Variants in SHISA6 observed in about 807,000 individuals in gnomAD.
The protein encoded by SHISA6 is protein shisa-6.
Under a neutral mutation model 47.9 loss-of-function variants are expected in SHISA6, and 22 were observed. The observed-to-expected ratio is 0.46, with a 90% CI of 0.33 to 0.66. The LOEUF is 0.66. SHISA6 is among the 30% of genes least tolerant of loss of function. The pLI is 0.02. For synonymous variants in SHISA6, 388 were observed against 337.8 expected (o/e 1.15, Z -1.63); for missense variants, 680 against 764.6 (o/e 0.89, Z 1.30).
At position 11,554,002 on chromosome 17, in the gene SHISA6, T is replaced by C. The variant is rs185058967; in HGVS notation, c.953-1738T>C. On this transcript the variant is annotated intron_variant, in intron 4 of 5. Coordinates refer to ENST00000441885, the MANE Select transcript of SHISA6 (RefSeq NM_207386.4). ...GCAGAAGGCAAGGGAGAGCTGGCCTTGGCTCAGGGGTATGTCCTGTAACAC... is the reference window on the plus strand; with the variant it reads ...GCAGAAGGCAAGGGAGAGCTGGCCTCGGCTCAGGGGTATGTCCTGTAACAC... 5.8e-3 allele frequency among the ~76,000 whole-genome samples: 877 copies of C among 152,262 alleles called. 5 individuals are homozygous for C. Among genetic ancestry groups the C allele is most frequent in the African/African-American group, 0.02 (816 of 41,560 alleles).
chr17:11,388,511 C>T (rs1031056065), intron 3 of SHISA6, among the ~76,000 whole-genome samples: 1 of 151,940 alleles, frequency 6.6e-6, no homozygotes, highest in African/African-American at 2.4e-5. Flanking sequence ...TGTCTGCTCA[C>T]TCCTGATTAA....
At chr17:11,545,233 T>C (rs1384243135) in intron 3 of SHISA6, among the ~76,000 whole-genome samples, 1 of 151,656 alleles carries the variant, frequency 6.6e-6, no homozygotes, top group African/African-American at 2.4e-5. Flanking sequence ...CATTTACATA[T>C]GCAACAACCC....
chr17:11,298,409 A>G (rs989883866), intron 2 of SHISA6, among the ~76,000 whole-genome samples: 2 of 152,248 alleles, frequency 1.3e-5, no homozygotes, highest in African/African-American at 4.8e-5. Flanking sequence ...GGGAAGGTTC[A>G]GCTGCTGAGT....
In SHISA6 at chr17:11,275,934, A is replaced by AT. The variant is rs574539375; in HGVS notation, c.799+12409dup. On this transcript the variant is annotated intron_variant, in intron 2 of 5. Coordinates refer to ENST00000441885, the MANE Select transcript of SHISA6 (RefSeq NM_207386.4). ...AGATATGATCTGACATGTGGTTTTC[A>AT]TAATCACTCTGGCCACCATCTTGAG... Among the ~76,000 whole-genome samples the AT allele has an allele frequency of 5.1e-3, 773 of 152,020 alleles. 7 individuals are homozygous for AT. Among genetic ancestry groups the AT allele is most frequent in the Non-Finnish European group, 8.7e-3 (595 of 68,006 alleles).
chr17:11,544,607 T>C (rs1212304151), intron 3 of SHISA6, among the ~76,000 whole-genome samples: 1 of 152,216 alleles, frequency 6.6e-6, no homozygotes, highest in East Asian at 1.9e-4. Context: ...TCATTCATTT[T>C]TGGTGGGAAT....
At chr17:11,300,775 T>A (rs1292272974) in intron 2 of SHISA6, among the ~76,000 whole-genome samples, 1 of 151,906 alleles carries the variant, frequency 6.6e-6, no homozygotes, top group Non-Finnish European at 1.5e-5. Context: ...CCCGGCATAC[T>A]GGCCAGGAAC....
chr17:11,263,126 A>G (rs958224222), intron 1 of SHISA6, among the ~76,000 whole-genome samples: 11 of 152,190 alleles, frequency 7.2e-5, no homozygotes, highest in African/African-American at 2.7e-4. Context: ...GATGTGAAAT[A>G]AATTAAAGAA....
chr17:11,470,018 C>T (rs1028073361), intron 3 of SHISA6, among the ~76,000 whole-genome samples: 7 of 152,182 alleles, frequency 4.6e-5, no homozygotes. Context: ...CTCTCTTTCT[C>T]TGAGCATGCA....
intron 2 of SHISA6, among the ~76,000 whole-genome samples, chr17:11,305,281 A>G (rs922683489): frequency 1.3e-5 from 2 of 152,238 alleles, no homozygotes; most frequent in Non-Finnish European, 2.9e-5. Context: ...TAGCTACTTC[A>G]TGGATCTTTG....
In SHISA6 at chr17:11,562,011, C is replaced by T; in HGVS notation, c.*3707C>T. On this transcript the variant is annotated 3_prime_UTR_variant, in exon 6 of 6. Transcript: ENST00000441885. ...CCTGCCACTAGCAAGTCCCCTGAAGCTCCCAACCCAGCCTGATGTTAGCCC... is the reference window on the plus strand; with the variant it reads ...CCTGCCACTAGCAAGTCCCCTGAAGTTCCCAACCCAGCCTGATGTTAGCCC... The T allele has an allele frequency of 6.6e-6, 1 of 152,268 alleles. No homozygotes were observed. The highest frequency in any genetic ancestry group is 1.5e-5 in the Non-Finnish European group (1 of 68,118). 9.4% of individuals were successfully genotyped at this position (152,268 alleles called of 1,614,324 possible).
At chr17:11,525,631 C>CAAAAAAAA (rs548619604) in intron 3 of SHISA6, among the ~76,000 whole-genome samples, 49 of 58,902 alleles carry the variant, frequency 8.3e-4, no homozygotes, top group Non-Finnish European at 9.8e-4. Flanking sequence ...GACTCCGTCT[C>CAAAAAAAA]AAAAAAAAAA....
intron 2 of SHISA6, chr17:11,289,343 C>G (rs930197331): frequency 2.6e-5 from 4 of 151,852 alleles, no homozygotes; most frequent in African/African-American, 9.7e-5. Context: ...AGAGTATGTG[C>G]ATCTATTTTC....
intron 2 of SHISA6, among the ~76,000 whole-genome samples, chr17:11,270,819 C>T (rs767348973): frequency 6.6e-6 from 1 of 152,172 alleles, no homozygotes; most frequent in Non-Finnish European, 1.5e-5. Context: ...ACTAGAGACA[C>T]GTCCTTCTCT....
intron 2 of SHISA6, among the ~76,000 whole-genome samples, chr17:11,326,080 G>T (rs1373824412): frequency 6.6e-6 from 1 of 152,132 alleles, no homozygotes; most frequent in Non-Finnish European, 1.5e-5. Context: ...AGCCATCCTG[G>T]CTAACATGGT....
chr17:11,268,215 C>T (rs1478375551), intron 2 of SHISA6, among the ~76,000 whole-genome samples: 1 of 152,156 alleles, frequency 6.6e-6, no homozygotes, highest in African/African-American at 2.4e-5. Context: ...TATAAAAGAA[C>T]AGCCAGTCAT....
intron 2 of SHISA6, among the ~76,000 whole-genome samples, chr17:11,305,453 A>G (rs1011506048): frequency 2.6e-5 from 4 of 152,216 alleles, no homozygotes; most frequent in Non-Finnish European, 5.9e-5. Flanking sequence ...AGCCCCTGAA[A>G]TGGCGGGAGA....
At chr17:11,515,362 A>AAGGG (rs1303194905) in intron 3 of SHISA6, among the ~76,000 whole-genome samples, 4 of 144,304 alleles carry the variant, frequency 2.8e-5, no homozygotes, top group East Asian at 2.2e-4. Context: ...GGAAGGAAGG[A>AAGGG]AGGGAGAGAA....
chr17:11,422,000 G>T (rs1017053155), intron 3 of SHISA6, among the ~76,000 whole-genome samples: 8 of 152,120 alleles, frequency 5.3e-5, no homozygotes, highest in Non-Finnish European at 1.5e-5. Flanking sequence ...GAGGGGAGAA[G>T]AATTATTATG....
chr17:11,247,860 C>T (rs1230802775), intron 1 of SHISA6, among the ~76,000 whole-genome samples: 5 of 151,508 alleles, frequency 3.3e-5, no homozygotes, highest in East Asian at 1.9e-4. Flanking sequence ...CTGCAACTTC[C>T]GCCTCCCTGG....
Sources: gnomAD v4.1 joint callset for allele counts (sites outside exome capture counted in the v4.1 genomes callset) on GRCh38, gnomAD v4.1.1 for gene constraint, MANE v1.5 for transcripts, NCBI Gene and HGNC (gene_info 2026-07-23, HGNC 2026-07-21) for gene names.